TUB: variants seen among roughly 807,000 people sequenced by gnomAD.
TUB encodes the protein tubby protein homolog.
A neutral mutation model predicts 59.7 loss-of-function variants in TUB; 33 were observed. The ratio of observed to expected loss-of-function variants is 0.55; its 90% confidence interval spans 0.42 to 0.74. The LOEUF (loss-of-function observed/expected upper bound fraction) is 0.74. Ranked by LOEUF, TUB falls within the 30% of genes least tolerant of loss-of-function variation. The pLI, the probability that TUB is intolerant of heterozygous loss-of-function variation, is 0.00. For missense variants in TUB, 659 were observed against 672.0 expected, an observed-to-expected ratio of 0.98 and a Z score of 0.21; for synonymous variants, 293 against 256.4, an observed-to-expected ratio of 1.14 and a Z score of -1.36.
chr11:8,082,138 C>T (rs932451643), intron 1 of TUB, among the ~76,000 whole-genome samples: 1 of 152,250 alleles, frequency 6.6e-6, no homozygotes, highest in Non-Finnish European at 1.5e-5. Flanking sequence ...GAATAACTGA[C>T]ACCTGCTTCT....
intron 2 of TUB, among the ~76,000 whole-genome samples, chr11:8,040,297 C>T (rs764806030): frequency 1.3e-5 from 2 of 152,190 alleles, no homozygotes; most frequent in Non-Finnish European, 2.9e-5. Flanking sequence ...AACAACTGCC[C>T]TGTGAAGGAG....
chr11:8,101,122 T>C, intron 11 of TUB, 125 bp downstream of exon 11: 2 of 1,192,640 alleles, frequency 1.7e-6, no homozygotes, highest in East Asian at 4.8e-5. Flanking sequence ...ACAGCTAAGG[T>C]TAGATGTATG....
At chr11:8,070,294 T>C (rs1268780591) in intron 2 of TUB, among the ~76,000 whole-genome samples, 1 of 152,188 alleles carries the variant, frequency 6.6e-6, no homozygotes, top group East Asian at 1.9e-4. Context: ...GTTCTTTTTA[T>C]AAATCTCAGT....
rs1943343392 is a variant in TUB, at chr11:8,070,586, TAACA to T, written c.204-19023_204-19020del. Among the ~76,000 whole-genome samples the T allele has an allele frequency of 4.6e-5, 7 of 152,228 alleles. No homozygotes were observed. In the South Asian group the frequency reaches 1.4e-3, roughly 32 times the overall value. ...AATAATATAAACCATGAGTCCTTTC[TAACA>T]TAGTAGACTAATAACTGTTCATCAA... is the stretch of plus-strand genomic sequence containing the variant. On this transcript the variant is annotated intron_variant, in intron 2 of 12. Transcript: ENST00000305253.
At chr11:8,058,548 T>G (rs1020243512) in intron 2 of TUB, among the ~76,000 whole-genome samples, 1 of 152,236 alleles carries the variant, frequency 6.6e-6, no homozygotes, top group Admixed American at 6.5e-5. Context: ...CTAATGCAGA[T>G]TACATTTTAA....
chr11:8,061,441 C>G lies in TUB; in HGVS notation c.203+21749C>G, dbSNP rs546022278. ...CCCTGCGGTGCCTCTACAGGGAAAA[C>G]CAGGTCCTTCAAGTCTGTGTGACCT... On this transcript the variant is annotated intron_variant, in intron 2 of 12. Coordinates refer to the TUB transcript ENST00000305253. Among the ~76,000 whole-genome samples, 3 of 152,258 alleles carry G rather than the reference C, an allele frequency of 2.0e-5. No homozygotes were observed. In the South Asian group the frequency reaches 6.2e-4, roughly 32 times the overall value.
intron 8 of TUB, among the ~76,000 whole-genome samples, chr11:8,098,466 TGAG>T (rs1047968402): frequency 8.5e-5 from 13 of 152,148 alleles, no homozygotes; most frequent in Admixed American, 2.6e-4. Flanking sequence ...TCACCTCCCA[TGAG>T]GAGAACTCCC....
chr11:8,039,735 C>T (rs1175896805), intron 2 of TUB: 16 of 1,470,130 alleles, frequency 1.1e-5, no homozygotes, highest in East Asian at 2.6e-5. Flanking sequence ...TGGGAAAGGG[C>T]CAACCACAGG....
At chr11:8,021,294 T>A (rs908315648) in intron 1 of TUB, among the ~76,000 whole-genome samples, 1 of 152,056 alleles carries the variant, frequency 6.6e-6, no homozygotes, top group Non-Finnish European at 1.5e-5. Flanking sequence ...ACCCCGTCTG[T>A]ACTACAAATA....
chr11:8,035,702 C>G (rs16935218), upstream of TUB: 2 of 152,280 alleles, frequency 1.3e-5, no homozygotes, highest in African/African-American at 4.8e-5. Flanking sequence ...TTGCTCTGCT[C>G]GTAGAATCAC....
At chr11:8,023,597 C>G (rs560939565) in intron 1 of TUB, among the ~76,000 whole-genome samples, 1 of 152,352 alleles carries the variant, frequency 6.6e-6, no homozygotes, top group South Asian at 2.1e-4. Flanking sequence ...ACGTCTCCAT[C>G]TAGACATTCA....
intron 2 of TUB, among the ~76,000 whole-genome samples, chr11:8,049,578 T>TAGATAGATAGATAG (rs1554923443): frequency 1.5e-4 from 13 of 85,914 alleles, no homozygotes; most frequent in African/African-American, 4.6e-4. Flanking sequence ...TATATATATA[T>TAGATAGATAGATAG]ATAGATAGAT....
At chr11:8,042,453 T>A (rs182855128) in intron 2 of TUB, among the ~76,000 whole-genome samples, 313 of 152,350 alleles carry the variant, frequency 2.1e-3, no homozygotes, top group African/African-American at 6.9e-3. Context: ...TCCAGGTTTT[T>A]ATAGGGACAT....
At chr11:8,080,281 G>C (rs34510302), upstream of TUB, among the ~76,000 whole-genome samples, 1,790 of 152,306 alleles carry the variant, frequency 0.012, 22 homozygotes, top group Non-Finnish European at 0.018. Flanking sequence ...GACCTCTCCC[G>C]GATCACCTGC....
chr11:8,037,568 T>C (rs751521840), upstream of TUB, among the ~76,000 whole-genome samples: 18 of 152,188 alleles, frequency 1.2e-4, no homozygotes, highest in Non-Finnish European at 2.4e-4. Flanking sequence ...TTCTGAAGAT[T>C]CCTAATTATT....
chr11:8,087,697 A>C (rs1943694517), intron 1 of TUB, among the ~76,000 whole-genome samples: 1 of 152,188 alleles, frequency 6.6e-6, no homozygotes, highest in Non-Finnish European at 1.5e-5. Context: ...TTCGGGTCTG[A>C]CCCTTTCAAG....
chr11:8,098,141 G>A (rs1944085823), intron 8 of TUB, among the ~76,000 whole-genome samples: 1 of 152,004 alleles, frequency 6.6e-6, no homozygotes, highest in African/African-American at 2.4e-5. Context: ...TGGCTCCATG[G>A]TCAATGCCAA....
At chr11:8,074,789 G>A (rs141123213) in intron 2 of TUB, among the ~76,000 whole-genome samples, 1,475 of 127,832 alleles carry the variant, frequency 0.012, 20 homozygotes, top group Non-Finnish European at 0.017. Context: ...CTCTGTCACC[G>A]AGACTGGAGT....
upstream of TUB, among the ~76,000 whole-genome samples, chr11:8,078,929 A>G (rs1338659588): frequency 3.3e-5 from 5 of 151,648 alleles, no homozygotes; most frequent in Non-Finnish European, 7.4e-5. Flanking sequence ...ATGTACACAC[A>G]CTCACACTCA....
Sources: gnomAD v4.1 joint callset for allele counts (sites outside exome capture counted in the v4.1 genomes callset) on GRCh38, gnomAD v4.1.1 for gene constraint, MANE v1.5 for transcripts, NCBI Gene and HGNC (gene_info 2026-07-23, HGNC 2026-07-21) for gene names.